SSH1: variants seen among roughly 807,000 people sequenced by gnomAD.
The protein encoded by SSH1 is protein phosphatase Slingshot homolog 1.
A neutral mutation model predicts 79.7 loss-of-function variants in SSH1; 43 were observed. The ratio of observed to expected loss-of-function variants is 0.54; its 90% confidence interval spans 0.42 to 0.70. The LOEUF is 0.70. SSH1 is among the 30% of genes least tolerant of loss of function. SSH1 has a pLI of 0.00. For missense variants in SSH1, 1,206 were observed against 1,358.8 expected, an observed-to-expected ratio of 0.89 and a Z score of 1.77; for synonymous variants, 599 against 538.3, an observed-to-expected ratio of 1.11 and a Z score of -1.56.
rs149743956 is a variant in SSH1 at position 108,851,655 on chromosome 12, G to A, written c.110+983C>T. Among the ~76,000 whole-genome samples, 558 of 152,222 alleles carry A rather than the reference G, an allele frequency of 3.7e-3. 1 individual carries two copies. The highest frequency in any genetic ancestry group is 0.01 in the Middle Eastern group (3 of 294). On this transcript the variant is annotated intron_variant, in intron 2 of 14. Coordinates refer to ENST00000326495, the MANE Select transcript of SSH1 (RefSeq NM_018984.4). ...CAAAGAAAAAACAAAAATGTTTTTGGTGTCCATTAGTGAATACATCAGCTG... is the reference window on the plus strand; with the variant it reads ...CAAAGAAAAAACAAAAATGTTTTTGATGTCCATTAGTGAATACATCAGCTG...
Position 108,780,441 on chromosome 12 carries a change from G to C in SSH1, c.*7547C>G, listed in dbSNP as rs995218778. 6.6e-6 allele frequency: 1 copy of C among 152,190 alleles called. No homozygotes were observed. The highest frequency in any genetic ancestry group is 2.4e-5 in the African/African-American group (1 of 41,442). The allele number at this position is 152,190 out of a possible 1,614,324, so 9.4% of individuals were successfully genotyped here. A position where few individuals can be genotyped will look rare whatever the true frequency, so the allele number is the denominator to read the frequency against. On this transcript the variant is annotated 3_prime_UTR_variant, in exon 15 of 15. Coordinates refer to ENST00000326495, the MANE Select transcript of SSH1 (RefSeq NM_018984.4). The stretch of plus-strand genomic sequence containing the variant: ...GAGTTTTATGAACACACATTGTTAG[G>C]GTAGTGTGGGTGTTGTCTCCAAAAA...
intron 10 of SSH1, among the ~76,000 whole-genome samples, chr12:108,803,748 A>T (rs554412922): frequency 3.3e-5 from 5 of 152,324 alleles, no homozygotes; most frequent in African/African-American, 9.6e-5. Context: ...TCACCAGGGA[A>T]ATCAACAGAC....
chr12:108,798,287 C>G (rs537925067), intron 13 of SSH1, among the ~76,000 whole-genome samples: 25 of 152,214 alleles, frequency 1.6e-4, no homozygotes, highest in Non-Finnish European at 3.4e-4. Flanking sequence ...CTTGGCCTCC[C>G]AAATTGTTGG....
At position 108,823,300 on chromosome 12, in the gene SSH1, G is replaced by A. The variant is rs780850296; in HGVS notation, c.172C>T (p.Pro58Ser). ...TGCTGAAGACTCCGCTGGCCTTGAG[G>A]GCTGCTTCCCTGTTGTAAGAAGAGG... is the stretch of plus-strand genomic sequence containing the variant. ...AALFLQQGSS[P>S]QGQRSLQHPH... The change falls in exon 3 of 15, where the codon CCT becomes TCT. Residue 58 changes from proline to serine, a missense_variant. Physicochemically the swap from Pro to Ser is moderately conservative, Grantham distance 74. Coordinates refer to ENST00000326495, the MANE Select transcript of SSH1 (RefSeq NM_018984.4). 1 of 1,590,208 alleles carries A rather than the reference G, an allele frequency of 6.3e-7. No individual in the cohort carries two copies. Among genetic ancestry groups the A allele is most frequent in the East Asian group, 2.3e-5 (1 of 44,434 alleles).
rs975908315 is a variant in SSH1, at chr12:108,835,883, T to TTTA, written c.111-12523_111-12522insTAA. Reference sequence around the variant, plus strand: ...ATAGCATATATACATATTATATTAATTAATTATAACTATATTAATATAATT... The same window carrying TTTA: ...ATAGCATATATACATATTATATTAATTTATAATTATAACTATATTAATATAATT... On this transcript the variant is annotated intron_variant, in intron 2 of 14. Transcript: ENST00000326495. 3.1e-4 allele frequency among the ~76,000 whole-genome samples: 41 copies of TTTA among 132,180 alleles called. 3 individuals are homozygous for TTTA. Among genetic ancestry groups the TTTA allele is most frequent in the African/African-American group, 1.1e-3 (39 of 36,216 alleles). The allele number at this position is 132,180 out of a possible 152,430, so 86.7% of individuals were successfully genotyped here.
intron 2 of SSH1, among the ~76,000 whole-genome samples, chr12:108,844,373 T>A (rs1027829127): frequency 6.6e-6 from 1 of 152,118 alleles, no homozygotes; most frequent in Non-Finnish European, 1.5e-5. Context: ...TGAACAAGCA[T>A]GTGGGTGCTG....
Position 108,817,128 on chromosome 12 carries a change from C to T in SSH1, c.311G>A (p.Arg104Gln), listed in dbSNP as rs770253846. 10 of 1,614,022 alleles carry T rather than the reference C, an allele frequency of 6.2e-6. No homozygotes were observed. Among genetic ancestry groups the T allele is most frequent in the Non-Finnish European group, 5.1e-6 (6 of 1,180,018 alleles). ...AVRLESAWAD[R>Q]VRYMVVVYSS... ...GTACACCACCACCATGTACCGGACC[C>T]GGTCCGCCCAGGCGCTCTCCAGGCG... is the stretch of plus-strand genomic sequence containing the variant. Residue 104 changes from arginine to glutamine, a missense_variant, in exon 5 of 15, where the codon CGG (arginine) becomes CAG (glutamine). By Grantham distance (43) the Arg-to-Gln change is conservative. Coordinates refer to ENST00000326495, the MANE Select transcript of SSH1 (RefSeq NM_018984.4).
rs1720923114 is a variant in SSH1, at chr12:108,811,391, C to T, written c.402-63G>A. ...TACCCACCTACGTGTACAGCCTTTC[C>T]AGCTCACCACCTGGTCCAGGACGGG... On this transcript the variant is annotated intron_variant, in intron 5 of 14. Coordinates refer to ENST00000326495, the MANE Select transcript of SSH1 (RefSeq NM_018984.4). The T allele has an allele frequency of 3.3e-6, 5 of 1,494,240 alleles. No homozygotes were observed. In the South Asian group the frequency reaches 5.6e-5, roughly 17 times the overall value. 92.6% of individuals were successfully genotyped at this position (1,494,240 alleles called of 1,614,324 possible). A position where few individuals can be genotyped will look rare whatever the true frequency, so the allele number is the denominator to read the frequency against.
chr12:108,842,602 G>A (rs1398602889), intron 2 of SSH1, among the ~76,000 whole-genome samples: 1 of 152,228 alleles, frequency 6.6e-6, no homozygotes, highest in African/African-American at 2.4e-5. Context: ...AGCTCAGGGA[G>A]TTGACGGGAC....
intron 2 of SSH1, among the ~76,000 whole-genome samples, chr12:108,835,804 A>C (rs1435387948): frequency 1.3e-4 from 20 of 150,236 alleles, no homozygotes; most frequent in Non-Finnish European, 3.0e-4. Flanking sequence ...CAAGGAATGA[A>C]ATATTAAACA....
chr12:108,836,004 C>T (rs1382298491), intron 2 of SSH1, among the ~76,000 whole-genome samples: 5 of 145,420 alleles, frequency 3.4e-5, no homozygotes, highest in African/African-American at 5.0e-5. Context: ...TTAATATAAT[C>T]GATTATAACT....
At position 108,788,591 on chromosome 12, in the gene SSH1, G is replaced by T. The variant is rs760280673; in HGVS notation, c.2547C>A (p.Ser849Arg). 44 of 1,604,654 alleles carry T rather than the reference G, an allele frequency of 2.7e-5. No individual in the cohort carries two copies. In the South Asian group the frequency reaches 4.3e-4, roughly 16 times the overall value. ...PAPPSRDGPA[S>R]RLEASIPEES... is the part of the protein sequence containing the mutation. ...CCTCGGGGATGCTGGCCTCCAGCCT[G>T]CTGGCAGGGCCATCCCTGGAGGGAG... Residue 849 changes from serine to arginine, a missense_variant, in exon 15 of 15, where the codon AGC becomes AGA. Transcript: ENST00000326495.
At chr12:108,830,699 C>T (rs953298799) in intron 2 of SSH1, among the ~76,000 whole-genome samples, 1 of 152,140 alleles carries the variant, frequency 6.6e-6, no homozygotes, top group African/African-American at 2.4e-5. Context: ...AAAACAGATG[C>T]TAGTCTTCTA....
chr12:108,808,370 G>C (rs895479778), intron 7 of SSH1, among the ~76,000 whole-genome samples: 1 of 152,228 alleles, frequency 6.6e-6, no homozygotes, highest in African/African-American at 2.4e-5. Context: ...TTCACTGATT[G>C]AATCTAAGAG....
intron 9 of SSH1, among the ~76,000 whole-genome samples, 167 bp from the exon 10 acceptor site, chr12:108,805,351 G>A (rs2137063121): frequency 6.6e-6 from 1 of 152,346 alleles, no homozygotes; most frequent in Admixed American, 6.5e-5. Flanking sequence ...TGCGTGGGTG[G>A]CAGGAATGCA....
At chr12:108,812,273 A>C (rs766322160) in intron 5 of SSH1, among the ~76,000 whole-genome samples, 1 of 152,202 alleles carries the variant, frequency 6.6e-6, no homozygotes, top group Non-Finnish European at 1.5e-5. Flanking sequence ...GAAAAATAAA[A>C]TTTATTTTGG....
rs1222410587 is a variant in SSH1, at chr12:108,783,507, CA to C, written c.*4480del. On this transcript the variant is annotated 3_prime_UTR_variant, in exon 15 of 15. Coordinates refer to ENST00000326495, the MANE Select transcript of SSH1 (RefSeq NM_018984.4). ...CTATCTTCTCATGCAGCAAGGCCGA[CA>C]GGAAGGACAGTGGAGGACTGGTGAT... The C allele has an allele frequency of 6.6e-6, 1 of 152,236 alleles. No homozygotes were observed. Among genetic ancestry groups the C allele is most frequent in the Non-Finnish European group, 1.5e-5 (1 of 68,042 alleles). The allele number at this position is 152,236 out of a possible 1,614,324, so 9.4% of individuals were successfully genotyped here. A position where few individuals can be genotyped will look rare whatever the true frequency, so the allele number is the denominator to read the frequency against.
intron 14 of SSH1, among the ~76,000 whole-genome samples, chr12:108,789,987 C>A (rs1593001565): frequency 6.6e-6 from 1 of 151,950 alleles, no homozygotes; most frequent in Admixed American, 6.5e-5. Context: ...AGCGACTACA[C>A]CCCGCCAGCT....
chr12:108,802,554 G>T (rs957524851), intron 10 of SSH1, among the ~76,000 whole-genome samples, 186 bp from the exon 11 acceptor site: 1 of 152,170 alleles, frequency 6.6e-6, no homozygotes, highest in African/African-American at 2.4e-5. Flanking sequence ...CAGAGCATGA[G>T]AGGAAGGGAG....
Sources: gnomAD v4.1 joint callset for allele counts (sites outside exome capture counted in the v4.1 genomes callset) on GRCh38, gnomAD v4.1.1 for gene constraint, MANE v1.5 for transcripts, NCBI Gene and HGNC (gene_info 2026-07-23, HGNC 2026-07-21) for gene names.